Variants in ZNF704 observed in about 807,000 individuals in gnomAD.
The protein encoded by ZNF704 is glucocorticoid induced gene 1.
A neutral mutation model predicts 44.7 loss-of-function variants in ZNF704; 10 were observed. The observed-to-expected ratio is 0.22, with a 90% CI of 0.14 to 0.38. ZNF704 has a LOEUF of 0.38. Ranked by LOEUF, ZNF704 falls within the 10% of genes least tolerant of loss-of-function variation. The pLI, the probability that ZNF704 is intolerant of heterozygous loss-of-function variation, is 1.00. For missense variants in ZNF704, 390 were observed against 545.5 expected (o/e 0.71, Z 2.84); for synonymous variants, 211 against 207.6 (o/e 1.02, Z -0.14).
intron 1 of ZNF704, among the ~76,000 whole-genome samples, chr8:80,865,633 G>A (rs554219624): frequency 3.3e-5 from 5 of 152,306 alleles, no homozygotes; most frequent in African/African-American, 7.2e-5. Context: ...AACTAGCCAC[G>A]TACAATTAGT....
intron 2 of ZNF704, among the ~76,000 whole-genome samples, chr8:80,726,200 T>A (rs918942186): frequency 3.3e-5 from 5 of 152,250 alleles, no homozygotes; most frequent in African/African-American, 1.2e-4. Context: ...TAAAACAAAT[T>A]ATTCAGATTA....
intron 3 of ZNF704, among the ~76,000 whole-genome samples, chr8:80,692,759 A>G (rs1015922016): frequency 6.6e-6 from 1 of 152,220 alleles, no homozygotes; most frequent in Non-Finnish European, 1.5e-5. Context: ...GGCAGAAAAC[A>G]AAGGAGCTCA....
At chr8:80,850,968 TG>T (rs1808849279) in intron 1 of ZNF704, among the ~76,000 whole-genome samples, 1 of 152,194 alleles carries the variant, frequency 6.6e-6, no homozygotes, top group Non-Finnish European at 1.5e-5. Context: ...GGATACCTTC[TG>T]AGAAATAAAT....
intron 2 of ZNF704, among the ~76,000 whole-genome samples, chr8:80,732,336 C>CAG (rs1030216649): frequency 2.0e-5 from 3 of 152,180 alleles, no homozygotes; most frequent in African/African-American, 7.2e-5. Flanking sequence ...TACCAAGGGA[C>CAG]TTCTGGTAGT....
chr8:80,680,637 C>T (rs992904827), intron 4 of ZNF704, among the ~76,000 whole-genome samples: 5 of 152,156 alleles, frequency 3.3e-5, no homozygotes, highest in African/African-American at 1.2e-4. Flanking sequence ...TCAGTAAATG[C>T]GCTCGTGTAT....
chr8:80,872,657 T>G (rs1279583529), intron 1 of ZNF704, among the ~76,000 whole-genome samples: 1 of 152,214 alleles, frequency 6.6e-6, no homozygotes, highest in Non-Finnish European at 1.5e-5. Flanking sequence ...AATCTCAACG[T>G]GGTTTGCTTT....
Position 80,718,954 on chromosome 8 carries a change from A to G in ZNF704, c.222-25847T>C, listed in dbSNP as rs150876322. 3.4e-3 allele frequency among the ~76,000 whole-genome samples: 505 copies of G among 149,786 alleles called. 1 individual carries two copies. The highest frequency in any genetic ancestry group is 0.012 in the African/African-American group (483 of 39,364). Reference sequence around the variant, plus strand: ...CTTAGTCCATTTCTTGCACAGAGTGAGCACTCTACATTTTTTTTCTTTTTT... The same window carrying G: ...CTTAGTCCATTTCTTGCACAGAGTGGGCACTCTACATTTTTTTTCTTTTTT... On this transcript the variant is annotated intron_variant, in intron 2 of 8. Transcript: ENST00000327835.
At chr8:80,718,364 T>C (rs537697638) in intron 2 of ZNF704, among the ~76,000 whole-genome samples, 11 of 149,490 alleles carry the variant, frequency 7.4e-5, no homozygotes, top group African/African-American at 2.8e-4. Flanking sequence ...TCTTCTCTGT[T>C]TCTCACTCCT....
At chr8:80,847,785 C>T (rs182034303) in intron 1 of ZNF704, among the ~76,000 whole-genome samples, 26 of 152,294 alleles carry the variant, frequency 1.7e-4, no homozygotes, top group South Asian at 8.3e-4. Context: ...TCAGCCGAAA[C>T]CTCACATGTT....
At chr8:80,833,265 G>A (rs1415916028) in intron 1 of ZNF704, among the ~76,000 whole-genome samples, 2 of 152,152 alleles carry the variant, frequency 1.3e-5, no homozygotes, top group Non-Finnish European at 2.9e-5. Context: ...CAGGAGAATC[G>A]CTTGAACCTG....
chr8:80,842,287 A>G (rs1214624954), intron 1 of ZNF704, among the ~76,000 whole-genome samples: 4 of 152,174 alleles, frequency 2.6e-5, no homozygotes, highest in African/African-American at 9.7e-5. Flanking sequence ...CATCTATAAG[A>G]TAGGGAGGAC....
At chr8:80,716,757 C>G (rs181090830) in intron 2 of ZNF704, among the ~76,000 whole-genome samples, 119 of 152,292 alleles carry the variant, frequency 7.8e-4, no homozygotes, top group Admixed American at 3.1e-3. Context: ...ACGTCTGTTC[C>G]TAAAATCTGA....
intron 2 of ZNF704, among the ~76,000 whole-genome samples, chr8:80,754,360 G>A (rs1277336881): frequency 6.6e-6 from 1 of 152,008 alleles, no homozygotes; most frequent in Non-Finnish European, 1.5e-5. Flanking sequence ...TATAGAAAAG[G>A]AAAGAACAAA....
chr8:80,659,336 C>A (rs1460221538), intron 7 of ZNF704, among the ~76,000 whole-genome samples: 4 of 152,120 alleles, frequency 2.6e-5, no homozygotes, highest in Non-Finnish European at 2.9e-5. Flanking sequence ...CACAAAAAAT[C>A]TTGATATATT....
chr8:80,746,012 T>C (rs897303979), intron 2 of ZNF704, among the ~76,000 whole-genome samples: 1 of 152,236 alleles, frequency 6.6e-6, no homozygotes. Context: ...GACTTTCTCA[T>C]GATTGTTGTG....
intron 2 of ZNF704, among the ~76,000 whole-genome samples, chr8:80,773,266 T>C (rs1324977855): frequency 1.3e-5 from 2 of 152,202 alleles, no homozygotes; most frequent in African/African-American, 4.8e-5. Context: ...TTATGTACAG[T>C]GTTTTTGAGT....
At chr8:80,700,898 T>A (rs1389104517) in intron 2 of ZNF704, among the ~76,000 whole-genome samples, 1 of 152,020 alleles carries the variant, frequency 6.6e-6, no homozygotes, top group Non-Finnish European at 1.5e-5. Context: ...TCTGTCTAGC[T>A]CTACTCTCTG....
At chr8:80,644,631 G>A (rs1407333153) in intron 7 of ZNF704, among the ~76,000 whole-genome samples, 2 of 152,112 alleles carry the variant, frequency 1.3e-5, no homozygotes, top group Non-Finnish European at 2.9e-5. Flanking sequence ...TAACAGCCAT[G>A]GTCTCAAACT....
At chr8:80,836,938 A>G (rs1586064416) in intron 1 of ZNF704, among the ~76,000 whole-genome samples, 1 of 152,066 alleles carries the variant, frequency 6.6e-6, no homozygotes, top group Admixed American at 6.5e-5. Context: ...CTCCATGAAG[A>G]TAACAGGCAT....
Sources: gnomAD v4.1 joint callset for allele counts (sites outside exome capture counted in the v4.1 genomes callset) on GRCh38, gnomAD v4.1.1 for gene constraint, MANE v1.5 for transcripts, NCBI Gene and HGNC (gene_info 2026-07-23, HGNC 2026-07-21) for gene names.